Variants in FSHR observed in about 807,000 individuals in gnomAD.
FSHR encodes follicle-stimulating hormone receptor.
A neutral mutation model predicts 52.1 loss-of-function variants in FSHR; 46 were observed. The ratio of observed to expected loss-of-function variants is 0.88; its 90% CI spans 0.70 to 1.13. FSHR has a LOEUF of 1.13. FSHR is among the 50% of genes most tolerant of loss of function. The probability of loss-of-function intolerance (pLI) is 0.00; values close to 1 mark genes in which losing one functional copy is unlikely to be tolerated. For missense variants in FSHR, 964 were observed against 834.6 expected (o/e 1.16, Z -1.91); for synonymous variants, 399 against 309.6 (o/e 1.29, Z -3.03).
chr2:49,100,052 C>G (rs771846940), intron 1 of FSHR, among the ~76,000 whole-genome samples: 1 of 152,118 alleles, frequency 6.6e-6, no homozygotes, highest in Admixed American at 6.6e-5. Context: ...TTTCGTAGAG[C>G]TTACTCCATT....
At chr2:49,042,318 G>A (rs555295400) in intron 2 of FSHR, among the ~76,000 whole-genome samples, 32 of 152,248 alleles carry the variant, frequency 2.1e-4, no homozygotes, top group African/African-American at 7.2e-4. Flanking sequence ...TATTTGAAAT[G>A]AGAACCAAAC....
At chr2:48,967,236 C>T (rs1306088144) in intron 9 of FSHR, among the ~76,000 whole-genome samples, 3 of 152,120 alleles carry the variant, frequency 2.0e-5, no homozygotes, top group Non-Finnish European at 4.4e-5. Flanking sequence ...GGTGGGACTA[C>T]AGGCATGCGC....
At chr2:48,988,188 T>C (rs555296117) in intron 6 of FSHR, among the ~76,000 whole-genome samples, 2 of 152,360 alleles carry the variant, frequency 1.3e-5, no homozygotes, top group East Asian at 3.9e-4. Flanking sequence ...CTGGAACTTA[T>C]GTTTTGTACA....
chr2:49,065,359 G>C lies in FSHR; in HGVS notation c.224+2860C>G, dbSNP rs1171410010. On this transcript the variant is annotated intron_variant, in intron 2 of 9. Coordinates refer to ENST00000406846, the MANE Select transcript of FSHR (RefSeq NM_000145.4). Reference sequence around the variant, plus strand: ...GTTATGTAAGTGATGATGAGACTTTGGGTCTAATAGTAACAGGAATGAGAA... The same window carrying C: ...GTTATGTAAGTGATGATGAGACTTTCGGTCTAATAGTAACAGGAATGAGAA... Among the ~76,000 whole-genome samples, 3 of 152,008 alleles carry C rather than the reference G, an allele frequency of 2.0e-5. No homozygotes were observed. In the East Asian group the frequency reaches 5.8e-4, roughly 29 times the overall value.
chr2:49,036,838 C>G (rs1668288902), intron 2 of FSHR, among the ~76,000 whole-genome samples: 1 of 152,180 alleles, frequency 6.6e-6, no homozygotes, highest in South Asian at 2.1e-4. Flanking sequence ...ACAAAAGCCT[C>G]TCCAGATCCA....
At chr2:49,012,063 A>G (rs980390894) in intron 4 of FSHR, among the ~76,000 whole-genome samples, 4 of 152,052 alleles carry the variant, frequency 2.6e-5, no homozygotes, top group East Asian at 3.9e-4. Flanking sequence ...AGGAGGTCTA[A>G]CAGGCCCACA....
chr2:49,101,204 C>G (rs1394698747), intron 1 of FSHR, among the ~76,000 whole-genome samples: 1 of 151,810 alleles, frequency 6.6e-6, no homozygotes, highest in Non-Finnish European at 1.5e-5. Flanking sequence ...TTGGATGAAC[C>G]AGGGAAGAGA....
intron 4 of FSHR, among the ~76,000 whole-genome samples, chr2:49,015,860 C>T (rs910832500): frequency 2.6e-5 from 4 of 152,132 alleles, no homozygotes; most frequent in Admixed American, 2.6e-4. Context: ...AGAATGAAAC[C>T]CAGCAGTCCT....
chr2:49,041,406 C>A (rs1017616526), intron 2 of FSHR, among the ~76,000 whole-genome samples: 5 of 152,220 alleles, frequency 3.3e-5, no homozygotes, highest in African/African-American at 1.2e-4. Flanking sequence ...TGTCAGGGAG[C>A]TCCTCCTGCC....
chr2:49,068,147 A>T (rs773182417), intron 2 of FSHR, 72 bp downstream of exon 2: 2 of 1,131,640 alleles, frequency 1.8e-6, no homozygotes, highest in African/African-American at 3.1e-5. Context: ...AGATAGTCAT[A>T]CTAGATGTGG....
intron 4 of FSHR, among the ~76,000 whole-genome samples, chr2:48,999,851 C>A (rs1034073982): frequency 6.6e-6 from 1 of 152,132 alleles, no homozygotes; most frequent in Non-Finnish European, 1.5e-5. Flanking sequence ...TGGACTCCCA[C>A]ATCATTGTAT....
chr2:48,988,621 T>C (rs1268087924), intron 6 of FSHR, among the ~76,000 whole-genome samples: 1 of 152,242 alleles, frequency 6.6e-6, no homozygotes, highest in Non-Finnish European at 1.5e-5. Context: ...ATCTTCCTGA[T>C]TGGGCCTCCT....
At chr2:49,127,822 TC>T (rs1558456559) in intron 1 of FSHR, among the ~76,000 whole-genome samples, 2,203 of 63,648 alleles carry the variant, frequency 0.035, 191 homozygotes, top group Middle Eastern at 0.053. Context: ...TTCTTCTTCT[TC>T]TTCTTCCTCT....
At position 49,054,217 on chromosome 2, in the gene FSHR, G is replaced by A. The variant is rs140580944; in HGVS notation, c.224+14002C>T. The stretch of plus-strand genomic sequence containing the variant: ...CTGGGGGGATGAAAAAGGGTTGAAT[G>A]TAGCTCTGTGGGTGGACCCCAGGAG... On this transcript the variant is annotated intron_variant, in intron 2 of 9. Coordinates refer to ENST00000406846, the MANE Select transcript of FSHR (RefSeq NM_000145.4). Among the ~76,000 whole-genome samples the A allele has an allele frequency of 5.3e-3, 808 of 152,308 alleles. 3 individuals carry two copies. Among genetic ancestry groups the A allele is most frequent in the Middle Eastern group, 0.01 (3 of 294 alleles).
intron 1 of FSHR, among the ~76,000 whole-genome samples, chr2:49,143,921 G>A (rs917886422): frequency 3.3e-5 from 5 of 152,014 alleles, no homozygotes; most frequent in Non-Finnish European, 7.4e-5. Context: ...CGGGTAAAAT[G>A]GATAAAATAA....
intron 1 of FSHR, among the ~76,000 whole-genome samples, chr2:49,149,049 G>T (rs1473503410): frequency 6.6e-6 from 1 of 151,920 alleles, no homozygotes; most frequent in Admixed American, 6.6e-5. Flanking sequence ...CCGAAGCAAA[G>T]ATAATGGTAA....
At chr2:49,119,130 C>T (rs112914483) in intron 1 of FSHR, among the ~76,000 whole-genome samples, 2,114 of 152,174 alleles carry the variant, frequency 0.014, 28 homozygotes, top group South Asian at 0.021. Flanking sequence ...ACGTGGACCC[C>T]GGAAATTTCC....
At chr2:49,148,680 A>G (rs763992786) in intron 1 of FSHR, among the ~76,000 whole-genome samples, 1 of 152,076 alleles carries the variant, frequency 6.6e-6, no homozygotes, top group African/African-American at 2.4e-5. Flanking sequence ...TGGTAAGGGA[A>G]GACTTCATGA....
chr2:49,086,639 A>T (rs1206776831), intron 1 of FSHR, among the ~76,000 whole-genome samples: 3 of 151,910 alleles, frequency 2.0e-5, no homozygotes, highest in Non-Finnish European at 1.5e-5. Flanking sequence ...TTTATTTCTT[A>T]TTTTTTAATT....
Sources: allele counts gnomAD v4.1 joint callset (sites outside exome capture counted in the v4.1 genomes callset), GRCh38; gene constraint gnomAD v4.1.1; transcripts MANE v1.5; gene names NCBI Gene and HGNC (gene_info 2026-07-23, HGNC 2026-07-21).